The following MSI2 variants were observed in gnomAD, a reference collection of about 807,000 sequenced individuals.
The protein encoded by MSI2 is musashi RNA binding protein 2.
In MSI2, 17 loss-of-function variants were observed where a neutral mutation model predicts 45.6. The ratio of observed to expected loss-of-function variants is 0.37; its 90% CI spans 0.26 to 0.56. The LOEUF (loss-of-function observed/expected upper bound fraction) is 0.56. Ranked by LOEUF, MSI2 falls within the 20% of genes least tolerant of loss-of-function variation. The pLI is 0.77. For missense variants in MSI2, 293 were observed against 444.2 expected (o/e 0.66, Z 3.06); for synonymous variants, 156 against 158.2 (o/e 0.99, Z 0.11).
intron 5 of MSI2, among the ~76,000 whole-genome samples, chr17:57,328,335 A>G (rs1476270140): frequency 1.3e-5 from 2 of 151,930 alleles, no homozygotes; most frequent in African/African-American, 2.4e-5. Context: ...CCATCCATGC[A>G]TCCATCCATT....
At chr17:57,285,924 C>T (rs1228238718) in intron 5 of MSI2, 54 of 1,533,912 alleles carry the variant, frequency 3.5e-5, no homozygotes, top group Non-Finnish European at 4.1e-5. Context: ...AAGAATACGT[C>T]TTATCACGTG....
At position 57,405,880 on chromosome 17, in the gene MSI2, T is replaced by C. The variant is rs1020152248; in HGVS notation, c.405+4409T>C. 5.3e-5 allele frequency among the ~76,000 whole-genome samples: 8 copies of C among 152,218 alleles called. No individual in the cohort carries two copies. In the East Asian group the frequency reaches 9.6e-4, roughly 18 times the overall value. ...TTCTCAAGGGTGTCAAGTGAGATGG[T>C]TGGCAGATCTATTATGTAGGTGGTG... On this transcript the variant is annotated intron_variant, in intron 6 of 13. Coordinates refer to ENST00000284073, the MANE Select transcript of MSI2 (RefSeq NM_138962.4).
chr17:57,679,625 G>A lies in MSI2; in HGVS notation c.*108G>A. 9.4e-7 allele frequency: 1 copy of A among 1,063,936 alleles called. No individual in the cohort carries two copies. The highest frequency in any genetic ancestry group is 1.1e-6 in the Non-Finnish European group (1 of 878,186). 65.9% of individuals were successfully genotyped at this position (1,063,936 alleles called of 1,614,324 possible). ...TGTTTAGGTGATGTCCTCAGACCTG[G>A]ACCCCCACCAGCCTCACTCCCCATC... On this transcript the variant is annotated 3_prime_UTR_variant, in exon 14 of 14. Coordinates refer to ENST00000284073, the MANE Select transcript of MSI2 (RefSeq NM_138962.4).
intron 5 of MSI2, among the ~76,000 whole-genome samples, chr17:57,341,622 G>T (rs901060530): frequency 1.3e-5 from 2 of 152,208 alleles, no homozygotes; most frequent in South Asian, 2.1e-4. Context: ...GAGAGTGTTT[G>T]TAGCAAGTGG....
At chr17:57,594,931 G>A (rs529488407) in intron 7 of MSI2, among the ~76,000 whole-genome samples, 2 of 152,188 alleles carry the variant, frequency 1.3e-5, no homozygotes, top group East Asian at 1.9e-4. Context: ...AGTATTTGGC[G>A]GGTGGTGGTA....
chr17:57,562,818 C>T (rs2087612829), intron 7 of MSI2, among the ~76,000 whole-genome samples: 2 of 151,982 alleles, frequency 1.3e-5, no homozygotes, highest in Non-Finnish European at 2.9e-5. Flanking sequence ...TGCGTACAGG[C>T]CGGGTGCGAT....
At chr17:57,674,152 T>C (rs1913038069) in intron 11 of MSI2, among the ~76,000 whole-genome samples, 1 of 151,060 alleles carries the variant, frequency 6.6e-6, no homozygotes, top group African/African-American at 2.4e-5. Context: ...ATCATTACTG[T>C]TATGTCAAGA....
At chr17:57,567,828 G>T (rs1445581952) in intron 7 of MSI2, among the ~76,000 whole-genome samples, 2 of 152,214 alleles carry the variant, frequency 1.3e-5, no homozygotes, top group African/African-American at 4.8e-5. Flanking sequence ...TCTGTCTACA[G>T]TTACAACAGA....
Position 57,351,003 on chromosome 17 carries a change from G to A in MSI2, c.313-50376G>A, listed in dbSNP as rs530229483. Reference sequence around the variant, plus strand: ...CACCCCTAGGCCTGAGGGGCAAGAGGAGGGAGCAGGTACTGAAATTCAGCT... The same window carrying A: ...CACCCCTAGGCCTGAGGGGCAAGAGAAGGGAGCAGGTACTGAAATTCAGCT... On this transcript the variant is annotated intron_variant, in intron 5 of 13. Transcript: ENST00000284073. Among the ~76,000 whole-genome samples, 12 of 152,226 alleles carry A rather than the reference G, an allele frequency of 7.9e-5. No individual in the cohort carries two copies. In the South Asian group the frequency reaches 2.3e-3, roughly 29 times the overall value.
intron 6 of MSI2, among the ~76,000 whole-genome samples, chr17:57,526,359 GT>G (rs1567877863): frequency 4.5e-5 from 3 of 66,932 alleles, no homozygotes; most frequent in Non-Finnish European, 7.5e-5. Context: ...ATACCTGGGT[GT>G]GTGTGTGTGT....
intron 8 of MSI2, among the ~76,000 whole-genome samples, chr17:57,607,157 GTGTA>G (rs1906693335): frequency 6.6e-6 from 1 of 152,222 alleles, no homozygotes; most frequent in South Asian, 2.1e-4. Flanking sequence ...TATCCATTAT[GTGTA>G]TATGTTATGT....
Position 57,609,493 on chromosome 17 carries a change from C to T in MSI2, c.538-6477C>T, listed in dbSNP as rs150733256. On this transcript the variant is annotated intron_variant, in intron 8 of 13. Transcript: ENST00000284073. ...TTGGAGTGAGAAATGAAACTGCAAACACTGGCCTCTTCAGGCCAAACAGGC... is the reference window on the plus strand; with the variant it reads ...TTGGAGTGAGAAATGAAACTGCAAATACTGGCCTCTTCAGGCCAAACAGGC... 3.0e-4 allele frequency among the ~76,000 whole-genome samples: 46 copies of T among 152,398 alleles called. 1 individual carries two copies. The highest frequency in any genetic ancestry group is 1.1e-3 in the African/African-American group (44 of 41,592).
chr17:57,300,169 G>A (rs1027304812), intron 5 of MSI2, among the ~76,000 whole-genome samples: 1 of 152,196 alleles, frequency 6.6e-6, no homozygotes, highest in Non-Finnish European at 1.5e-5. Flanking sequence ...CTTTGGTGAC[G>A]TGCTGTCATT....
chr17:57,500,495 G>A (rs985020061), intron 6 of MSI2, among the ~76,000 whole-genome samples: 1 of 151,806 alleles, frequency 6.6e-6, no homozygotes, highest in Non-Finnish European at 1.5e-5. Context: ...GCGAGCTCTG[G>A]AGGAGGAGGT....
At chr17:57,573,058 T>G (rs2144319517) in intron 7 of MSI2, among the ~76,000 whole-genome samples, 1 of 152,308 alleles carries the variant, frequency 6.6e-6, no homozygotes, top group South Asian at 2.1e-4. Flanking sequence ...AGAGTCCAGA[T>G]GCACATGTCC....
chr17:57,336,908 T>C (rs1914732288), intron 5 of MSI2, among the ~76,000 whole-genome samples: 1 of 152,186 alleles, frequency 6.6e-6, no homozygotes, highest in South Asian at 2.1e-4. Context: ...ACTCAGGGTC[T>C]CTCATGTGGT....
At chr17:57,270,579 C>A (rs145797611) in intron 5 of MSI2, among the ~76,000 whole-genome samples, 31 of 152,330 alleles carry the variant, frequency 2.0e-4, no homozygotes, top group African/African-American at 7.2e-4. Context: ...GTGCCACTTA[C>A]CAGCTATGGC....
At chr17:57,605,131 A>C (rs990016021) in intron 8 of MSI2, among the ~76,000 whole-genome samples, 6 of 152,216 alleles carry the variant, frequency 3.9e-5, no homozygotes, top group African/African-American at 1.4e-4. Context: ...GGATGAAGGC[A>C]AAAAAGGAAA....
At chr17:57,584,945 G>T (rs1480151989) in intron 7 of MSI2, among the ~76,000 whole-genome samples, 1 of 152,012 alleles carries the variant, frequency 6.6e-6, no homozygotes, top group African/African-American at 2.4e-5. Flanking sequence ...AGCCTCCTGA[G>T]TAGCTGGGAT....
Sources: allele counts gnomAD v4.1 joint callset (sites outside exome capture counted in the v4.1 genomes callset), GRCh38; gene constraint gnomAD v4.1.1; transcripts MANE v1.5; gene names NCBI Gene and HGNC (gene_info 2026-07-23, HGNC 2026-07-21).